The following KDM4B variants were observed in gnomAD, a reference collection of about 807,000 sequenced individuals.
The protein encoded by KDM4B is lysine-specific demethylase 4B.
Under a neutral mutation model 125.2 loss-of-function variants are expected in KDM4B, and 32 were observed. That is an observed-to-expected ratio of 0.26 (90% CI 0.19 to 0.34). The LOEUF is 0.34. Among genes scored for constraint, KDM4B ranks in the 10% least tolerant of loss-of-function variants. KDM4B has a pLI of 1.00. For synonymous variants in KDM4B, 721 were observed against 677.9 expected (o/e 1.06, Z -0.99); for missense variants, 1,190 against 1,577.7 (o/e 0.75, Z 4.16).
chr19:5,005,756 G>C (rs1252012519), intron 1 of KDM4B, among the ~76,000 whole-genome samples: 2 of 152,160 alleles, frequency 1.3e-5, no homozygotes, highest in African/African-American at 4.8e-5. Context: ...AGAGGCTACA[G>C]GGCCACGGGG....
chr19:5,096,835 G>A (rs2038836750), intron 9 of KDM4B, among the ~76,000 whole-genome samples: 1 of 152,078 alleles, frequency 6.6e-6, no homozygotes, highest in Non-Finnish European at 1.5e-5. Flanking sequence ...GGTGGTGCGT[G>A]TTGCCGTGGC....
chr19:5,070,756 T>C (rs964471626), intron 6 of KDM4B: 1 of 425,948 alleles, frequency 2.3e-6, no homozygotes, highest in African/African-American at 2.0e-5. Context: ...ACTCCTGGCT[T>C]TCTGAGTGTG....
At chr19:5,145,672 G>A (rs996119083) in intron 21 of KDM4B, among the ~76,000 whole-genome samples, 6 of 152,114 alleles carry the variant, frequency 3.9e-5, no homozygotes, top group Non-Finnish European at 8.8e-5. Context: ...TAGAAGCGTC[G>A]CTCCCAAGCC....
chr19:5,105,397 C>T (rs3947726), intron 9 of KDM4B, among the ~76,000 whole-genome samples: 41,151 of 152,198 alleles, frequency 0.27, 5,973 homozygotes, highest in East Asian at 0.66. Context: ...CTGCGAGTTA[C>T]ACTAGAAAAG....
At chr19:5,083,630 T>A (rs1177211653) in intron 9 of KDM4B, among the ~76,000 whole-genome samples, 1 of 152,182 alleles carries the variant, frequency 6.6e-6, no homozygotes. Flanking sequence ...GGCTGCTGTT[T>A]CTGGGCAGCA....
At chr19:5,104,501 C>T (rs1314299722) in intron 9 of KDM4B, among the ~76,000 whole-genome samples, 1 of 149,232 alleles carries the variant, frequency 6.7e-6, no homozygotes. Context: ...TTTTTTCCAG[C>T]AACTAAAATC....
intron 6 of KDM4B, among the ~76,000 whole-genome samples, chr19:5,056,308 G>A (rs1475736976): frequency 6.6e-6 from 1 of 152,120 alleles, no homozygotes; most frequent in Non-Finnish European, 1.5e-5. Flanking sequence ...CGGCTTGGGT[G>A]TGGATGTCCA....
chr19:5,150,645 C>G (rs568860215), intron 22 of KDM4B, among the ~76,000 whole-genome samples, 195 bp downstream of exon 22: 11 of 152,284 alleles, frequency 7.2e-5, no homozygotes, highest in African/African-American at 2.6e-4. Context: ...TGCCTTGACT[C>G]CTGGTGCCGC....
chr19:5,056,415 T>G (rs1027576562), intron 6 of KDM4B, among the ~76,000 whole-genome samples: 40 of 151,114 alleles, frequency 2.6e-4, no homozygotes, highest in African/African-American at 9.7e-4. Flanking sequence ...CTTTTTTTTT[T>G]TTTTTTTTGA....
chr19:5,040,053 G>A, intron 4 of KDM4B, 42 bp downstream of exon 4: 1 of 1,565,336 alleles, frequency 6.4e-7, no homozygotes, highest in Non-Finnish European at 8.7e-7. Context: ...CCGCCCCCGG[G>A]GGCACACCTG....
chr19:5,105,552 C>T (rs900762678), intron 9 of KDM4B, among the ~76,000 whole-genome samples: 3 of 152,224 alleles, frequency 2.0e-5, no homozygotes, highest in Non-Finnish European at 4.4e-5. Context: ...CCCACCTCAG[C>T]CTCCCAAGTA....
rs1383577900 is a variant in KDM4B at position 4,997,285 on chromosome 19, A to G, written c.-108-18972A>G. On this transcript the variant is annotated intron_variant, in intron 1 of 22. Transcript: ENST00000159111. The surrounding 1 kb of genome is among the most constrained non-coding windows in gnomAD (Gnocchi z 4.2). ...TGCGTTGTTACATAGGATGTTTTCA[A>G]GTTGCCTGATGTGTCCTTCCCTTTA... 1.3e-5 allele frequency among the ~76,000 whole-genome samples: 2 copies of G among 152,012 alleles called. No homozygotes were observed. The highest frequency in any genetic ancestry group is 2.4e-5 in the African/African-American group (1 of 41,376).
chr19:5,049,619 C>T lies in KDM4B; in HGVS notation c.626+1950C>T, dbSNP rs151119251. On this transcript the variant is annotated intron_variant, in intron 6 of 22. Transcript: ENST00000159111. ...CACAGTCAGCTCAGCCTGCTTAGCACGCAGGGCCCCTTCCCTGCTCTCTCA... is the reference window on the plus strand; with the variant it reads ...CACAGTCAGCTCAGCCTGCTTAGCATGCAGGGCCCCTTCCCTGCTCTCTCA... Among the ~76,000 whole-genome samples, 19 of 152,146 alleles carry T rather than the reference C, an allele frequency of 1.2e-4. No individual in the cohort carries two copies. The East Asian group carries it at 2.1e-3, about 17-fold the overall frequency.
intron 9 of KDM4B, among the ~76,000 whole-genome samples, chr19:5,096,607 G>T (rs1175795155): frequency 6.7e-6 from 1 of 150,268 alleles, no homozygotes; most frequent in Non-Finnish European, 1.5e-5. Flanking sequence ...GCCTGTTGCC[G>T]CGGTGCCCCC....
chr19:5,123,541 C>T (rs2039399145), intron 11 of KDM4B, among the ~76,000 whole-genome samples: 1 of 152,234 alleles, frequency 6.6e-6, no homozygotes, highest in South Asian at 2.1e-4. Flanking sequence ...CACCCCAGGT[C>T]CGGGGGCTAG....
rs761020231 is a variant in KDM4B at position 5,133,995 on chromosome 19, C to G, written c.2019C>G (p.Phe673Leu). ...RAASFQAERK[F>L]NAAAARTEPY... Reference sequence around the variant, plus strand: ...CCAGCTTCCAGGCCGAGAGGAAGTTCAACGCAGCGGCTGCGCGCACGGAGC... The same window carrying G: ...CCAGCTTCCAGGCCGAGAGGAAGTTGAACGCAGCGGCTGCGCGCACGGAGC... The change falls in exon 14 of 23, where the codon TTC becomes TTG. Residue 673 changes from phenylalanine (F) to leucine (L), a missense_variant. Transcript: ENST00000159111. 3 of 1,612,020 alleles carry G rather than the reference C, an allele frequency of 1.9e-6. No homozygotes were observed. The highest frequency in any genetic ancestry group is 1.3e-5 in the African/African-American group (1 of 74,944).
At chr19:4,991,609 G>C (rs1227613384) in intron 1 of KDM4B, among the ~76,000 whole-genome samples, 1 of 152,196 alleles carries the variant, frequency 6.6e-6, no homozygotes, top group Non-Finnish European at 1.5e-5. Flanking sequence ...TGTGGCTTCA[G>C]ACCTTCCTCA....
intron 2 of KDM4B, among the ~76,000 whole-genome samples, chr19:5,025,096 T>C (rs2036237319): frequency 6.6e-6 from 1 of 152,222 alleles, no homozygotes; most frequent in South Asian, 2.1e-4. Flanking sequence ...AGGGACCCTT[T>C]TTTTGTTGTT....
intron 1 of KDM4B, among the ~76,000 whole-genome samples, chr19:5,006,750 G>A (rs1477114158): frequency 1.3e-5 from 2 of 151,244 alleles, no homozygotes; most frequent in African/African-American, 4.9e-5. Context: ...TCCAGCCTGG[G>A]CAACAGAGCG....
Sources: gnomAD v4.1 joint callset for allele counts (sites outside exome capture counted in the v4.1 genomes callset) on GRCh38, gnomAD v4.1.1 for gene constraint, Gnocchi (gnomAD v3.1) non-coding constraint, MANE v1.5 for transcripts, NCBI Gene and HGNC (gene_info 2026-07-23, HGNC 2026-07-21) for gene names.